The following FOXJ1 variants were observed in gnomAD, a reference collection of about 807,000 sequenced individuals.
FOXJ1 encodes the protein forkhead box protein J1.
A neutral mutation model predicts 29.3 loss-of-function variants in FOXJ1; 8 were observed. That is an observed-to-expected ratio of 0.27 (90% CI 0.16 to 0.49). The LOEUF (loss-of-function observed/expected upper bound fraction) is 0.49, where lower values mean the gene tolerates loss of function less well. Ranked by LOEUF, FOXJ1 falls within the 20% of genes least tolerant of loss-of-function variation. The probability of loss-of-function intolerance (pLI) is 0.98; values close to 1 mark genes in which losing one functional copy is unlikely to be tolerated. For missense variants in FOXJ1, 539 were observed against 595.5 expected, an observed-to-expected ratio of 0.91 and a Z score of 0.99; for synonymous variants, 280 against 278.7, an observed-to-expected ratio of 1.00 and a Z score of -0.05.
In FOXJ1 at chr17:76,137,344, C is replaced by T. The variant is rs1568011941; in HGVS notation, c.*9G>A. On this transcript the variant is annotated 3_prime_UTR_variant, in exon 3 of 3. Transcript: ENST00000322957. The surrounding 1 kb of genome is among the most constrained non-coding windows in gnomAD (Gnocchi z 9.5). ...GGCACTGTCCAGAGGTGGGGCAGGG[C>T]CTGGCCTCTTACAAGAAGGCCCCCA... 6.8e-7 allele frequency: 1 copy of T among 1,477,474 alleles called. No individual in the cohort carries two copies. Among genetic ancestry groups the T allele is most frequent in the Non-Finnish European group, 9.0e-7 (1 of 1,116,116 alleles). The allele number at this position is 1,477,474 out of a possible 1,614,324, so 91.5% of individuals were successfully genotyped here.
chr17:76,140,368 C>G lies in FOXJ1; in HGVS notation c.28G>C (p.Gly10Arg). 1.3e-6 allele frequency: 2 copies of G among 1,489,904 alleles called. No homozygotes were observed. The highest frequency in any genetic ancestry group is 1.8e-6 in the Non-Finnish European group (2 of 1,127,254). The allele number at this position is 1,489,904 out of a possible 1,614,324, so 92.3% of individuals were successfully genotyped here. The change falls in exon 2 of 3, where the codon GGA (glycine) becomes CGA (arginine). Residue 10 changes from glycine (G) to arginine (R), a missense_variant. This residue lies in a region of FOXJ1 where 59 missense variants were observed against 47.5 expected (regional missense o/e 1.24). Transcript: ENST00000322957. This position sits in a 1 kb window ranked among gnomAD's most constrained non-coding sequence, Gnocchi z 8.0. ...CCGGCCTCCTCCGCCGGCCCGGCTC[C>G]CGAGAGGCGCAGCCAGCTCTCCGCC... MAESWLRLS[G>R]AGPAEEAGPE...
Position 76,140,345 on chromosome 17 carries a change from G to A in FOXJ1, c.51C>T (p.Ala17=), listed in dbSNP as rs754890023. ...RLSGAGPAEE[A]GPEGGLEEPD... The stretch of plus-strand genomic sequence containing the variant: ...GCTCCTCCAGGCCGCCCTCCGGCCC[G>A]GCCTCCTCCGCCGGCCCGGCTCCCG... The change falls in exon 2 of 3, where the codon GCC becomes GCT. Residue 17 remains alanine (A), a synonymous_variant. Coordinates refer to ENST00000322957, the MANE Select transcript of FOXJ1 (RefSeq NM_001454.4). This position sits in a 1 kb window ranked among gnomAD's most constrained non-coding sequence, Gnocchi z 8.0. The A allele has an allele frequency of 6.7e-7, 1 of 1,498,550 alleles. No homozygotes were observed. The highest frequency in any genetic ancestry group is 2.5e-5 in the Admixed American group (1 of 40,478). 92.8% of individuals were successfully genotyped at this position (1,498,550 alleles called of 1,614,324 possible). A position where few individuals can be genotyped will look rare whatever the true frequency, so the allele number is the denominator to read the frequency against.
chr17:76,137,979 G>T lies in FOXJ1; in HGVS notation c.640C>A (p.Arg214=). The part of the protein sequence containing the change: ...RLLSGAFKKR[R]LPPVHIHPAF... ...GGGTGGATGTGGACAGGGGGCAGTC[G>T]CCGCTTCTTGAAAGCGCCGCTCAGT... Residue 214 remains arginine, a synonymous_variant, in exon 3 of 3, where the codon CGA becomes AGA. Transcript: ENST00000322957. The surrounding 1 kb of genome is among the most constrained non-coding windows in gnomAD (Gnocchi z 9.5). 1 of 1,603,474 alleles carries T rather than the reference G, an allele frequency of 6.2e-7. No individual in the cohort carries two copies. Among genetic ancestry groups the T allele is most frequent in the Non-Finnish European group, 8.5e-7 (1 of 1,175,210 alleles).
chr17:76,137,856 C>T lies in FOXJ1; in HGVS notation c.763G>A (p.Glu255Lys), dbSNP rs764131474. The change falls in exon 3 of 3, where the codon GAG (glutamate) becomes AAG (lysine). Residue 255 changes from glutamate (E) to lysine (K), a missense_variant. Coordinates refer to ENST00000322957, the MANE Select transcript of FOXJ1 (RefSeq NM_001454.4). This position sits in a 1 kb window ranked among gnomAD's most constrained non-coding sequence, Gnocchi z 9.5. ...TEAQQLLREF[E>K]EATGEAGWGA... Reference sequence around the variant, plus strand: ...CAGCCCGCCTCCCCGGTGGCCTCCTCGAACTCCCGCAGCAGCTGCTGGGCC... The same window carrying T: ...CAGCCCGCCTCCCCGGTGGCCTCCTTGAACTCCCGCAGCAGCTGCTGGGCC... 19 of 1,588,368 alleles carry T rather than the reference C, an allele frequency of 1.2e-5. No homozygotes were observed. Among genetic ancestry groups the T allele is most frequent in the East Asian group, 1.1e-4 (5 of 43,932 alleles).
chr17:76,140,529 C>A lies in FOXJ1; in HGVS notation c.-134G>T, dbSNP rs778240024. On this transcript the variant is annotated 5_prime_UTR_variant, in exon 2 of 3. Transcript: ENST00000322957. The surrounding 1 kb of genome is among the most constrained non-coding windows in gnomAD (Gnocchi z 8.0). ...CCGGACGCGCGCTTCCATCTCGCGACCCCGGGGGCGCCTCCTCCGAATAAG... is the reference window on the plus strand; with the variant it reads ...CCGGACGCGCGCTTCCATCTCGCGAACCCGGGGGCGCCTCCTCCGAATAAG... 328 of 795,768 alleles carry A rather than the reference C, an allele frequency of 4.1e-4. 1 individual carries two copies. Among genetic ancestry groups the A allele is most frequent in the Non-Finnish European group, 5.6e-4 (307 of 547,260 alleles). The allele number at this position is 795,768 out of a possible 1,614,324, so 49.3% of individuals were successfully genotyped here. A position where few individuals can be genotyped will look rare whatever the true frequency, so the allele number is the denominator to read the frequency against.
rs1046695940 is a variant in FOXJ1, at chr17:76,137,129, G to A, written c.*224C>T. 1.7e-5 allele frequency: 8 copies of A among 467,052 alleles called. No individual in the cohort carries two copies. The highest frequency in any genetic ancestry group is 1.6e-4 in the African/African-American group (8 of 49,936). 28.9% of individuals were successfully genotyped at this position (467,052 alleles called of 1,614,324 possible). ...TGAAACACTGTGTGTACAAGGTGGGGCTGGGGAGAGGAGGCAGCGATTCTG... is the reference window on the plus strand; with the variant it reads ...TGAAACACTGTGTGTACAAGGTGGGACTGGGGAGAGGAGGCAGCGATTCTG... On this transcript the variant is annotated 3_prime_UTR_variant, in exon 3 of 3. Coordinates refer to ENST00000322957, the MANE Select transcript of FOXJ1 (RefSeq NM_001454.4). The surrounding 1 kb of genome is among the most constrained non-coding windows in gnomAD (Gnocchi z 9.5).
In FOXJ1 at chr17:76,139,884, C is replaced by A; in HGVS notation, c.498+14G>T. Reference sequence around the variant, plus strand: ...GAATGGGGAGGGAGCGGCCGCCGCCCGTGCCTCCTCTACCTGCCAGGTGGG... The same window carrying A: ...GAATGGGGAGGGAGCGGCCGCCGCCAGTGCCTCCTCTACCTGCCAGGTGGG... On this transcript the variant is annotated intron_variant, in intron 2 of 2. Coordinates refer to ENST00000322957, the MANE Select transcript of FOXJ1 (RefSeq NM_001454.4). The surrounding 1 kb of genome is among the most constrained non-coding windows in gnomAD (Gnocchi z 6.6). 6.4e-7 allele frequency: 1 copy of A among 1,573,272 alleles called. No individual in the cohort carries two copies. The highest frequency in any genetic ancestry group is 8.6e-7 in the Non-Finnish European group (1 of 1,160,776).
Sources: allele counts gnomAD v4.1 joint callset, GRCh38; gene constraint gnomAD v4.1.1; regional missense constraint gnomAD v4.1.1; non-coding constraint Gnocchi (gnomAD v3.1); transcripts MANE v1.5; gene names NCBI Gene and HGNC (gene_info 2026-07-23, HGNC 2026-07-21).